Variants in ANGPT2 observed in about 807,000 individuals in gnomAD.
ANGPT2 encodes the protein angiopoietin 2, also known as angiopoietin-2.
Under a neutral mutation model 62.9 loss-of-function variants are expected in ANGPT2, and 28 were observed. The ratio of observed to expected loss-of-function variants is 0.44; its 90% CI spans 0.33 to 0.61. ANGPT2 has a LOEUF of 0.61. Among genes scored for constraint, ANGPT2 ranks in the 20% least tolerant of loss-of-function variants. ANGPT2 has a pLI of 0.03. For synonymous variants in ANGPT2, 284 were observed against 207.8 expected, an observed-to-expected ratio of 1.37 and a Z score of -3.15; for missense variants, 727 against 594.9, an observed-to-expected ratio of 1.22 and a Z score of -2.31.
intron 1 of ANGPT2, among the ~76,000 whole-genome samples, chr8:6,555,485 A>G (rs925283063): frequency 3.4e-5 from 5 of 146,356 alleles, no homozygotes; most frequent in African/African-American, 1.3e-4. Context: ...TTTTGGAGAC[A>G]GGATCTCACT....
chr8:6,513,908 A>G (rs1815706249), intron 6 of ANGPT2, 64 bp from the exon 7 acceptor site: 1 of 1,431,674 alleles, frequency 7.0e-7, no homozygotes, highest in South Asian at 1.4e-5. Context: ...TTTGAAGTGG[A>G]TAGTCCGTCA....
At chr8:6,511,275 A>G (rs1815033880) in intron 7 of ANGPT2, among the ~76,000 whole-genome samples, 1 of 143,040 alleles carries the variant, frequency 7.0e-6, no homozygotes, top group African/African-American at 2.6e-5. Context: ...GTTGCTTTAC[A>G]TTGGTATGGG....
intron 1 of ANGPT2, among the ~76,000 whole-genome samples, chr8:6,547,574 T>G (rs935345242): frequency 4.6e-5 from 7 of 152,340 alleles, no homozygotes; most frequent in African/African-American, 1.7e-4. Flanking sequence ...ACAGTAGCAC[T>G]TTGGACCACC....
rs183324938 is a variant in ANGPT2, at chr8:6,534,902, G to A, written c.289-2415C>T. 1.5e-3 allele frequency among the ~76,000 whole-genome samples: 226 copies of A among 152,170 alleles called. 2 individuals carry two copies. Among genetic ancestry groups the A allele is most frequent in the African/African-American group, 5.1e-3 (210 of 41,516 alleles). Reference sequence around the variant, plus strand: ...ATAGCAGTTCGTAATTCTCCCCTCCGCTCATCGCCATGGGAGTAATGGAAT... The same window carrying A: ...ATAGCAGTTCGTAATTCTCCCCTCCACTCATCGCCATGGGAGTAATGGAAT... On this transcript the variant is annotated intron_variant, in intron 1 of 8. Coordinates refer to ENST00000629816, the MANE Select transcript of ANGPT2 (RefSeq NM_001118887.2).
chr8:6,540,190 A>C (rs1475513679), intron 1 of ANGPT2, among the ~76,000 whole-genome samples: 1 of 152,056 alleles, frequency 6.6e-6, no homozygotes, highest in Non-Finnish European at 1.5e-5. Context: ...AATTTTTTTC[A>C]CATATATTTG....
intron 3 of ANGPT2, among the ~76,000 whole-genome samples, chr8:6,521,874 C>T (rs1817405163): frequency 6.6e-6 from 1 of 152,164 alleles, no homozygotes; most frequent in Non-Finnish European, 1.5e-5. Flanking sequence ...AATAATAGCA[C>T]TTAATGCTAT....
At chr8:6,539,874 A>C (rs1344217971) in intron 1 of ANGPT2, among the ~76,000 whole-genome samples, 2 of 152,226 alleles carry the variant, frequency 1.3e-5, no homozygotes, top group Non-Finnish European at 2.9e-5. Flanking sequence ...GGTGTGAGCC[A>C]CTGTGCCTGG....
intron 2 of ANGPT2, among the ~76,000 whole-genome samples, chr8:6,531,026 C>G (rs1225996294): frequency 1.3e-5 from 2 of 152,022 alleles, no homozygotes; most frequent in South Asian, 4.2e-4. Context: ...CCTTATAGCC[C>G]AGAGTAGGAA....
rs904004608 is a variant in ANGPT2, at chr8:6,502,213, T to C, written c.*888A>G. The C allele has an allele frequency of 1.3e-5, 2 of 152,150 alleles. No individual in the cohort carries two copies. Among genetic ancestry groups the C allele is most frequent in the African/African-American group, 2.4e-5 (1 of 41,450 alleles). The allele number at this position is 152,150 out of a possible 1,614,324, so 9.4% of individuals were successfully genotyped here. On this transcript the variant is annotated 3_prime_UTR_variant, in exon 9 of 9. Transcript: ENST00000629816. The stretch of plus-strand genomic sequence containing the variant: ...TCCTCATCATTAAAAGTAAGAAGTT[T>C]CCTTATCACAAGGCACAATTAGGTC...
chr8:6,542,476 G>T (rs1013410580), intron 1 of ANGPT2, among the ~76,000 whole-genome samples: 11 of 152,064 alleles, frequency 7.2e-5, no homozygotes, highest in African/African-American at 2.4e-4. Flanking sequence ...GAGTGTCACT[G>T]TAAGAGGGAC....
chr8:6,550,205 C>T (rs957450884), intron 1 of ANGPT2, among the ~76,000 whole-genome samples: 5 of 152,386 alleles, frequency 3.3e-5, no homozygotes, highest in Non-Finnish European at 5.9e-5. Flanking sequence ...CCAGATGTTA[C>T]TCACTGGCTA....
intron 3 of ANGPT2, among the ~76,000 whole-genome samples, chr8:6,524,961 G>A (rs1201031082): frequency 6.6e-6 from 1 of 152,212 alleles, no homozygotes; most frequent in African/African-American, 2.4e-5. Flanking sequence ...ACCCTGCTGT[G>A]GACCTCAGGT....
At chr8:6,510,649 C>G (rs1400010952) in intron 7 of ANGPT2, among the ~76,000 whole-genome samples, 1 of 152,178 alleles carries the variant, frequency 6.6e-6, no homozygotes, top group African/African-American at 2.4e-5. Flanking sequence ...CGAGGTCAGA[C>G]TCTTAAGTCA....
At chr8:6,505,896 AACAT>A (rs1469007705) in intron 8 of ANGPT2, among the ~76,000 whole-genome samples, 3 of 117,348 alleles carry the variant, frequency 2.6e-5, no homozygotes, top group Non-Finnish European at 5.0e-5. Flanking sequence ...TATATATAAA[AACAT>A]ACATATTCTT....
At chr8:6,521,459 A>G in intron 3 of ANGPT2, 49 bp from the exon 4 acceptor site, 1 of 1,294,304 alleles carries the variant, frequency 7.7e-7, no homozygotes, top group Non-Finnish European at 1.1e-6. Flanking sequence ...CTAATGAAAT[A>G]TTTTATATTT....
chr8:6,513,075 C>T (rs892071341), intron 7 of ANGPT2, among the ~76,000 whole-genome samples: 1 of 152,218 alleles, frequency 6.6e-6, no homozygotes, highest in Non-Finnish European at 1.5e-5. Flanking sequence ...ACTTACTATT[C>T]ACTGATTTTA....
chr8:6,557,302 T>C (rs1329480203), intron 1 of ANGPT2, among the ~76,000 whole-genome samples: 2 of 152,058 alleles, frequency 1.3e-5, no homozygotes, highest in Non-Finnish European at 2.9e-5. Context: ...TAAAAAAATA[T>C]ACAGGCTTGC....
At chr8:6,562,249 C>G (rs1825649098) in intron 1 of ANGPT2, among the ~76,000 whole-genome samples, 1 of 152,172 alleles carries the variant, frequency 6.6e-6, no homozygotes, top group Non-Finnish European at 1.5e-5. Context: ...TGCTGCGGCT[C>G]ACAGCCTTCC....
At position 6,534,524 on chromosome 8, in the gene ANGPT2, C is replaced by G. The variant is rs376721830; in HGVS notation, c.289-2037G>C. 1.6e-4 allele frequency among the ~76,000 whole-genome samples: 25 copies of G among 152,190 alleles called. No homozygotes were observed. The East Asian group carries it at 4.1e-3, about 25-fold the overall frequency. ...ACTCAAGCCATCCACCCGCCTCAGCCCCCCAAAGTGCTGGGACTACGAGCG... is the reference window on the plus strand; with the variant it reads ...ACTCAAGCCATCCACCCGCCTCAGCGCCCCAAAGTGCTGGGACTACGAGCG... On this transcript the variant is annotated intron_variant, in intron 1 of 8. Transcript: ENST00000629816.
Sources: gnomAD v4.1 joint callset for allele counts (sites outside exome capture counted in the v4.1 genomes callset) on GRCh38, gnomAD v4.1.1 for gene constraint, MANE v1.5 for transcripts, NCBI Gene and HGNC (gene_info 2026-07-23, HGNC 2026-07-21) for gene names.